The following FAM220A variants were observed in gnomAD, a reference collection of about 807,000 sequenced individuals.
The protein encoded by FAM220A is protein FAM220A.
For missense variants in FAM220A, 392 were observed against 321.6 expected, an observed-to-expected ratio of 1.22 and a Z score of -1.68; for synonymous variants, 141 against 130.7, an observed-to-expected ratio of 1.08 and a Z score of -0.54.
At chr7:6,334,138 A>T (rs151040909) in intron 1 of FAM220A, among the ~76,000 whole-genome samples, 5 of 150,770 alleles carry the variant, frequency 3.3e-5, no homozygotes, top group Non-Finnish European at 7.4e-5. Flanking sequence ...GAGCCACCGC[A>T]CCCAGCCGAA....
intron 1 of FAM220A, among the ~76,000 whole-genome samples, chr7:6,343,320 T>C (rs950405485): frequency 6.8e-6 from 1 of 147,700 alleles, no homozygotes; most frequent in Non-Finnish European, 1.5e-5. Flanking sequence ...GAGGTTGCAG[T>C]GATCCAAAAT....
At chr7:6,333,988 A>C (rs557831455) in intron 1 of FAM220A, among the ~76,000 whole-genome samples, 4 of 151,386 alleles carry the variant, frequency 2.6e-5, no homozygotes, top group African/African-American at 9.7e-5. Flanking sequence ...CTGGGACTAC[A>C]GGCACCCGCC....
chr7:6,332,107 C>G (rs1431199895), intron 1 of FAM220A, among the ~76,000 whole-genome samples: 1 of 122,422 alleles, frequency 8.2e-6, no homozygotes, highest in Non-Finnish European at 1.5e-5. Flanking sequence ...TAGACTCCAT[C>G]TCACGGAAAA....
At chr7:6,347,960 G>C (rs1000947128) in intron 1 of FAM220A, among the ~76,000 whole-genome samples, 6 of 149,544 alleles carry the variant, frequency 4.0e-5, no homozygotes, top group Non-Finnish European at 8.9e-5. Context: ...GCCCAGGCTG[G>C]AGCGCAATGG....
In FAM220A at chr7:6,337,527, T is replaced by C. The variant is rs910755275; in HGVS notation, c.-81-6292A>G. Among the ~76,000 whole-genome samples, 4 of 151,954 alleles carry C rather than the reference T, an allele frequency of 2.6e-5. No homozygotes were observed. The East Asian group carries it at 7.7e-4, about 29-fold the overall frequency. ...AAGTCCTTGTACAAGGATTTAGCAT[T>C]GTTCAGAAAGGTGAAACATTTCTAG... is the stretch of plus-strand genomic sequence containing the variant. On this transcript the variant is annotated intron_variant, in intron 1 of 1. Transcript: ENST00000313324.
intron 1 of FAM220A, among the ~76,000 whole-genome samples, chr7:6,338,449 G>C (rs1287924592): frequency 6.6e-6 from 1 of 152,162 alleles, no homozygotes; most frequent in East Asian, 1.9e-4. Flanking sequence ...GATGGAAGGA[G>C]TCTTCAAGAA....
chr7:6,340,822 C>A (rs1461380482), intron 1 of FAM220A, among the ~76,000 whole-genome samples: 63 of 147,512 alleles, frequency 4.3e-4, no homozygotes, highest in Non-Finnish European at 6.9e-4. Context: ...TGGCGTGAAC[C>A]CGGGAGGCGG....
intron 1 of FAM220A, among the ~76,000 whole-genome samples, chr7:6,335,871 C>CA (rs1173881821): frequency 6.6e-6 from 1 of 151,594 alleles, no homozygotes; most frequent in Non-Finnish European, 1.5e-5. Flanking sequence ...CCTGTCTCTA[C>CA]AAAAAAATTT....
rs761715667 is a variant in FAM220A, at chr7:6,330,613, G to C, written c.542C>G (p.Ser181Cys). 4 of 1,614,044 alleles carry C rather than the reference G, an allele frequency of 2.5e-6. No homozygotes were observed. Among genetic ancestry groups the C allele is most frequent in the African/African-American group, 2.7e-5 (2 of 74,910 alleles). The change falls in exon 2 of 2, where the codon TCT becomes TGT. Residue 181 changes from serine (S) to cysteine (C), a missense_variant. Coordinates refer to ENST00000313324, the MANE Select transcript of FAM220A (RefSeq NM_001037163.2). ...PPSAFPKGLG[S>C]ELEPACLHSI... ...GTGCAGGCAAGCGGGTTCCAACTCA[G>C]AGCCCAGACCCTTGGGAAAAGCACT...
chr7:6,339,415 C>A (rs1781806495), intron 1 of FAM220A, among the ~76,000 whole-genome samples: 2 of 152,066 alleles, frequency 1.3e-5, no homozygotes, highest in South Asian at 4.1e-4. Context: ...CCAGTCTAGG[C>A]AACATAGCAA....
rs1170512558 is a variant in FAM220A at position 6,330,464 on chromosome 7, G to T, written c.691C>A (p.Leu231Ile). The T allele has an allele frequency of 5.6e-6, 9 of 1,614,134 alleles. No individual in the cohort carries two copies. The highest frequency in any genetic ancestry group is 1.6e-4 in the Middle Eastern group (1 of 6,062). ...TGCAGACCATCTGAGGTGCTTTTAA[G>T]CATTTTCTTGAATTCTATTGTTTGC... is the stretch of plus-strand genomic sequence containing the variant. The part of the protein sequence containing the change: ...SKQTIEFKKM[L>I]KSTSDGLQIT... The change falls in exon 2 of 2, where the codon CTT (leucine) becomes ATT (isoleucine). Residue 231 changes from leucine to isoleucine, a missense_variant. Transcript: ENST00000313324.
rs1782010011 is a variant in FAM220A, at chr7:6,348,919, A to G, written c.-428T>C. 2.6e-6 allele frequency: 1 copy of G among 384,774 alleles called. No homozygotes were observed. The highest frequency in any genetic ancestry group is 4.6e-6 in the Non-Finnish European group (1 of 218,166). 23.8% of individuals were successfully genotyped at this position (384,774 alleles called of 1,614,324 possible). A position where few individuals can be genotyped will look rare whatever the true frequency, so the allele number is the denominator to read the frequency against. ...AGCGGAGTCCGCACGTCACGCTCGGAGAAGTGCCTCCGCGAGCAGCCGCCT... is the reference window on the plus strand; with the variant it reads ...AGCGGAGTCCGCACGTCACGCTCGGGGAAGTGCCTCCGCGAGCAGCCGCCT... On this transcript the variant is annotated 5_prime_UTR_variant, in exon 1 of 2. Coordinates refer to ENST00000313324, the MANE Select transcript of FAM220A (RefSeq NM_001037163.2).
intron 1 of FAM220A, among the ~76,000 whole-genome samples, chr7:6,332,185 G>A (rs575332639): frequency 6.6e-6 from 1 of 151,528 alleles, no homozygotes; most frequent in Non-Finnish European, 1.5e-5. Flanking sequence ...ATGCTACCTA[G>A]TGCATCCTTC....
chr7:6,342,934 G>A (rs897604826), intron 1 of FAM220A, among the ~76,000 whole-genome samples: 3 of 151,976 alleles, frequency 2.0e-5, no homozygotes, highest in African/African-American at 7.2e-5. Context: ...CTACTCAGAA[G>A]GCTGAAGTGG....
In FAM220A at chr7:6,330,043, G is replaced by C. The variant is rs2115122990; in HGVS notation, c.*332C>G. ...CAAGTCAAAAGGACACACAGGATTT[G>C]GGACAGTAGCCCTTTAGAATGGATG... On this transcript the variant is annotated 3_prime_UTR_variant, in exon 2 of 2. Transcript: ENST00000313324. 1 of 286,850 alleles carries C rather than the reference G, an allele frequency of 3.5e-6. No homozygotes were observed. The highest frequency in any genetic ancestry group is 5.0e-5 in the Admixed American group (1 of 19,866). 17.8% of individuals were successfully genotyped at this position (286,850 alleles called of 1,614,324 possible). A position where few individuals can be genotyped will look rare whatever the true frequency, so the allele number is the denominator to read the frequency against.
rs1392793496 is a variant in FAM220A at position 6,348,846 on chromosome 7, G to C, written c.-355C>G. The C allele has an allele frequency of 2.5e-6, 1 of 392,480 alleles. No individual in the cohort carries two copies. The allele number at this position is 392,480 out of a possible 1,614,324, so 24.3% of individuals were successfully genotyped here. Reference sequence around the variant, plus strand: ...CTGACCCTCGCCTGGCGTGCTCAGGGAGCGAAGGAGGCGGCGGCTAGACCG... The same window carrying C: ...CTGACCCTCGCCTGGCGTGCTCAGGCAGCGAAGGAGGCGGCGGCTAGACCG... On this transcript the variant is annotated 5_prime_UTR_variant, in exon 1 of 2. Coordinates refer to ENST00000313324, the MANE Select transcript of FAM220A (RefSeq NM_001037163.2).
intron 1 of FAM220A, among the ~76,000 whole-genome samples, chr7:6,345,852 T>G (rs1781942593): frequency 6.6e-6 from 1 of 152,034 alleles, no homozygotes; most frequent in East Asian, 1.9e-4. Context: ...CACTGCAACC[T>G]CCATCTCCTG....
Position 6,340,355 on chromosome 7 carries a change from T to C in FAM220A, c.-82+8218A>G, listed in dbSNP as rs561977609. On this transcript the variant is annotated intron_variant, in intron 1 of 1. Coordinates refer to ENST00000313324, the MANE Select transcript of FAM220A (RefSeq NM_001037163.2). ...GTTTCAGGGAAGGACAAAACGCTGC[T>C]GAGAGGGTTGGTGCGGTGGAGGACG... is the stretch of plus-strand genomic sequence containing the variant. 6.8e-4 allele frequency among the ~76,000 whole-genome samples: 103 copies of C among 152,216 alleles called. No homozygotes were observed. In the Middle Eastern group the frequency reaches 0.01, roughly 15 times the overall value.
In FAM220A at chr7:6,348,813, C is replaced by T; in HGVS notation, c.-322G>A. ...GCCCGCCCTCTCCGCGCCGCGTCGC[C>T]CCGGCAGCTGACCCTCGCCTGGCGT... On this transcript the variant is annotated 5_prime_UTR_variant, in exon 1 of 2. Coordinates refer to ENST00000313324, the MANE Select transcript of FAM220A (RefSeq NM_001037163.2). 1 of 395,768 alleles carries T rather than the reference C, an allele frequency of 2.5e-6. No individual in the cohort carries two copies. The highest frequency in any genetic ancestry group is 4.5e-6 in the Non-Finnish European group (1 of 224,258). 24.5% of individuals were successfully genotyped at this position (395,768 alleles called of 1,614,324 possible). A position where few individuals can be genotyped will look rare whatever the true frequency, so the allele number is the denominator to read the frequency against.
Sources: allele counts gnomAD v4.1 joint callset (sites outside exome capture counted in the v4.1 genomes callset), GRCh38; gene constraint gnomAD v4.1.1; transcripts MANE v1.5; gene names NCBI Gene and HGNC (gene_info 2026-07-23, HGNC 2026-07-21).